The following CHD8 variants were observed in gnomAD, a reference collection of about 807,000 sequenced individuals.
The protein encoded by CHD8 is chromodomain helicase DNA binding protein 8, also known as ATP-dependent chromatin remodeler CHD8.
Under a neutral mutation model 279.2 loss-of-function variants are expected in CHD8, and 31 were observed. The ratio of observed to expected loss-of-function variants is 0.11; its 90% confidence interval spans 0.08 to 0.15. CHD8 has a LOEUF of 0.15. Among genes scored for constraint, CHD8 ranks in the 10% least tolerant of loss-of-function variants. The pLI is 1.00. For missense variants in CHD8, 2,146 were observed against 3,230.5 expected, an observed-to-expected ratio of 0.66 and a Z score of 8.14; for synonymous variants, 1,081 against 1,139.6, an observed-to-expected ratio of 0.95 and a Z score of 1.04.
At chr14:21,413,283 G>A (rs1888581119) in intron 9 of CHD8, among the ~76,000 whole-genome samples, 1 of 151,870 alleles carries the variant, frequency 6.6e-6, no homozygotes, top group African/African-American at 2.4e-5. Context: ...TCCCTCTACC[G>A]AGTCATTGCC....
intron 5 of CHD8, among the ~76,000 whole-genome samples, chr14:21,422,606 C>A (rs1245278802): frequency 6.6e-6 from 1 of 152,040 alleles, no homozygotes; most frequent in Non-Finnish European, 1.5e-5. Flanking sequence ...TAACAGAATA[C>A]CCGGGACTGG....
At chr14:21,443,334 TG>T (rs1222991142) in intron 1 of CHD8, among the ~76,000 whole-genome samples, 5 of 151,750 alleles carry the variant, frequency 3.3e-5, no homozygotes, top group African/African-American at 1.2e-4. Flanking sequence ...GAGCTTGCAG[TG>T]AGCCGAGACT....
At chr14:21,435,456 T>A (rs1277636468) in intron 1 of CHD8, among the ~76,000 whole-genome samples, 5 of 152,330 alleles carry the variant, frequency 3.3e-5, no homozygotes, top group Non-Finnish European at 5.9e-5. Flanking sequence ...AGTTCTTGAT[T>A]TTTTTGGAAA....
Position 21,408,796 on chromosome 14 carries a change from T to C in CHD8, c.2394A>G (p.Lys798=). The change falls in exon 12 of 38, where the codon AAA becomes AAG. Residue 798 remains lysine, a synonymous_variant. Transcript: ENST00000646647. The surrounding 1 kb of genome is among the most constrained non-coding windows in gnomAD (Gnocchi z 4.3). ...TTTTATATTCATGTGATAGCTCCAA[T>C]TTCTTCCAGGCACTTGCCTGCGGAC... ...VNRPQASAWK[K]LELSHEYKNR... 6.2e-7 allele frequency: 1 copy of C among 1,609,620 alleles called. No homozygotes were observed. The highest frequency in any genetic ancestry group is 8.5e-7 in the Non-Finnish European group (1 of 1,177,642).
chr14:21,452,042 ATGTTT>A (rs1890268450), intron 1 of CHD8, among the ~76,000 whole-genome samples: 1 of 152,084 alleles, frequency 6.6e-6, no homozygotes, highest in Non-Finnish European at 1.5e-5. Context: ...AATGCAGTAA[ATGTTT>A]TGTTGTTGTT....
At chr14:21,389,044 G>A (rs970026131) in intron 37 of CHD8, among the ~76,000 whole-genome samples, 1 of 152,200 alleles carries the variant, frequency 6.6e-6, no homozygotes, top group South Asian at 2.1e-4. Flanking sequence ...GCTCACGCCT[G>A]TAATCCCAAC....
At chr14:21,420,760 T>C (rs912824177) in intron 5 of CHD8, among the ~76,000 whole-genome samples, 10 of 152,042 alleles carry the variant, frequency 6.6e-5, no homozygotes, top group Non-Finnish European at 1.5e-4. Flanking sequence ...ATTTTTCTCA[T>C]ACACATTTTT....
chr14:21,405,572 A>G lies in CHD8; in HGVS notation c.3052-108T>C. The G allele has an allele frequency of 6.7e-7, 1 of 1,486,074 alleles. No individual in the cohort carries two copies. The highest frequency in any genetic ancestry group is 9.1e-7 in the Non-Finnish European group (1 of 1,099,510). 92.1% of individuals were successfully genotyped at this position (1,486,074 alleles called of 1,614,324 possible). A position where few individuals can be genotyped will look rare whatever the true frequency, so the allele number is the denominator to read the frequency against. ...GAGTTTTCCACTATCTAAGAAATGT[A>G]TACTTTGGATGATGCCACAAATGAT... On this transcript the variant is annotated intron_variant, in intron 15 of 37. Coordinates refer to ENST00000646647, the MANE Select transcript of CHD8 (RefSeq NM_001170629.2). The surrounding 1 kb of genome is among the most constrained non-coding windows in gnomAD (Gnocchi z 4.2).
At chr14:21,419,843 G>A in intron 5 of CHD8, 2 of 370,012 alleles carry the variant, frequency 5.4e-6, no homozygotes, top group Non-Finnish European at 5.5e-6. Flanking sequence ...CCATTCCTGG[G>A]GTCACCAGCC....
intron 1 of CHD8, chr14:21,437,407 A>G: frequency 3.0e-6 from 1 of 336,906 alleles, no homozygotes; most frequent in Non-Finnish European, 4.5e-6. Flanking sequence ...GGTTAGGTTG[A>G]GAGCGCACGG....
Position 21,437,361 on chromosome 14 carries a change from T to C in CHD8, c.-215-5503A>G, listed in dbSNP as rs115434769. On this transcript the variant is annotated intron_variant, in intron 1 of 37. Coordinates refer to ENST00000646647, the MANE Select transcript of CHD8 (RefSeq NM_001170629.2). ...AAAAGACGCAAAACAGCGCAAAGGG[T>C]GGGACTATAAGGAGCTCCCTTCCCC... 1,561 of 786,062 alleles carry C rather than the reference T, an allele frequency of 2.0e-3. 17 individuals are homozygous for C. The African/African-American group carries it at 0.024, about 12-fold the overall frequency. 48.7% of individuals were successfully genotyped at this position (786,062 alleles called of 1,614,324 possible). A position where few individuals can be genotyped will look rare whatever the true frequency, so the allele number is the denominator to read the frequency against.
chr14:21,427,977 C>T lies in CHD8; in HGVS notation c.1493G>A (p.Gly498Asp), dbSNP rs759350991. Residue 498 changes from glycine (G) to aspartate (D), a missense_variant, in exon 4 of 38, where the codon GGC becomes GAC. Coordinates refer to ENST00000646647, the MANE Select transcript of CHD8 (RefSeq NM_001170629.2). ...ACTCTTCTTCCTGCGTTTCTTCTCG[C>T]CTTCCTCCTCTGGCCGAACGCTGGG... Reference protein sequence around the residue: ...ELPSVRPEEEGEKKRRKKSAG... With the variant: ...ELPSVRPEEEDEKKRRKKSAG... 3.7e-6 allele frequency: 6 copies of T among 1,614,058 alleles called. No individual in the cohort carries two copies. The South Asian group carries it at 4.4e-5, about 12-fold the overall frequency.
intron 30 of CHD8, 177 bp from the exon 31 acceptor site, chr14:21,394,662 TAAG>T: frequency 1.6e-6 from 1 of 607,876 alleles, no homozygotes. Flanking sequence ...CTGTAATGAG[TAAG>T]AATTACAGAG....
Position 21,443,430 on chromosome 14 carries a change from T to A in CHD8, c.-215-11572A>T, listed in dbSNP as rs544987898. On this transcript the variant is annotated intron_variant, in intron 1 of 37. Coordinates refer to ENST00000646647, the MANE Select transcript of CHD8 (RefSeq NM_001170629.2). ...CAACAGAAATTAAGAATCAGAATAA[T>A]GCCTTCTTAAGCAGGTAGAGAAAAA... 7.9e-5 allele frequency among the ~76,000 whole-genome samples: 12 copies of A among 152,166 alleles called. No individual in the cohort carries two copies. In the South Asian group the frequency reaches 2.1e-3, roughly 26 times the overall value.
chr14:21,453,755 A>G (rs998207573), intron 1 of CHD8, among the ~76,000 whole-genome samples: 1 of 151,938 alleles, frequency 6.6e-6, no homozygotes, highest in East Asian at 1.9e-4. Context: ...ACAGTTCACT[A>G]AAGCATTTAG....
At chr14:21,417,366 G>A (rs1327759852) in intron 5 of CHD8, among the ~76,000 whole-genome samples, 1 of 152,062 alleles carries the variant, frequency 6.6e-6, no homozygotes, top group Non-Finnish European at 1.5e-5. Flanking sequence ...CATCAACAGG[G>A]GATTGGTTCA....
At position 21,400,631 on chromosome 14, in the gene CHD8, T is replaced by C; in HGVS notation, c.4371-19A>G. 6.5e-7 allele frequency: 1 copy of C among 1,547,936 alleles called. No homozygotes were observed. The highest frequency in any genetic ancestry group is 1.4e-5 in the African/African-American group (1 of 72,136). ...TCCCCAACTAAAAAACAGAAAACTA[T>C]ATTAACATTTTTCTGAGAAATGACA... On this transcript the variant is annotated intron_variant, in intron 22 of 37. Transcript: ENST00000646647. This position sits in a 1 kb window ranked among gnomAD's most constrained non-coding sequence, Gnocchi z 4.2.
In CHD8 at chr14:21,394,455, A is replaced by G; in HGVS notation, c.5421T>C (p.Tyr1807=). ...CCACACCAAACGTAGACACCACTCG[A>G]TAAAAATCAGTTTGTTCACGCCTTG... ...RWTRREQTDF[Y]RVVSTFGVEY... Residue 1807 remains tyrosine (Y), a synonymous_variant, in exon 31 of 38, where the codon TAT becomes TAC. Coordinates refer to ENST00000646647, the MANE Select transcript of CHD8 (RefSeq NM_001170629.2). 1 of 1,608,580 alleles carries G rather than the reference A, an allele frequency of 6.2e-7. No homozygotes were observed. The highest frequency in any genetic ancestry group is 8.5e-7 in the Non-Finnish European group (1 of 1,177,156).
intron 33 of CHD8, 82 bp from the exon 34 acceptor site, chr14:21,392,891 C>G: frequency 1.4e-6 from 2 of 1,383,764 alleles, no homozygotes; most frequent in Non-Finnish European, 2.0e-6. Flanking sequence ...AGTGCCATCA[C>G]TACCAGGATG....
Sources: allele counts gnomAD v4.1 joint callset (sites outside exome capture counted in the v4.1 genomes callset), GRCh38; gene constraint gnomAD v4.1.1; non-coding constraint Gnocchi (gnomAD v3.1); transcripts MANE v1.5; gene names NCBI Gene and HGNC (gene_info 2026-07-23, HGNC 2026-07-21).